The following C8B variants were observed in gnomAD, a reference collection of about 807,000 sequenced individuals.
C8B encodes the protein complement component C8 beta chain.
C8B carries 67 observed loss-of-function variants against 64.6 expected under a neutral mutation model. The observed-to-expected ratio is 1.04, with a 90% CI of 0.85 to 1.27. The LOEUF is 1.27. C8B is among the 50% of genes most tolerant of loss of function. The pLI, the probability that C8B is intolerant of heterozygous loss-of-function variation, is 0.00. For synonymous variants in C8B, 284 were observed against 257.7 expected (o/e 1.10, Z -0.98); for missense variants, 790 against 725.2 (o/e 1.09, Z -1.03).
At chr1:56,955,643 C>G (rs1176625099) in intron 3 of C8B, among the ~76,000 whole-genome samples, 1 of 152,180 alleles carries the variant, frequency 6.6e-6, no homozygotes, top group Non-Finnish European at 1.5e-5. Context: ...AAAGCCTGTC[C>G]AAATAACCAT....
intron 3 of C8B, among the ~76,000 whole-genome samples, chr1:56,955,941 T>C (rs976144894): frequency 4.5e-4 from 69 of 152,204 alleles, no homozygotes; most frequent in African/African-American, 1.5e-3. Context: ...TCTGAATGAA[T>C]TGAAAAGTTG....
At chr1:56,940,093 A>G (rs1644829261) in intron 9 of C8B, among the ~76,000 whole-genome samples, 1 of 152,042 alleles carries the variant, frequency 6.6e-6, no homozygotes, top group Admixed American at 6.6e-5. Flanking sequence ...ATCTTCCCTT[A>G]GTACCTTACT....
chr1:56,930,616 T>A (rs1399031155), intron 11 of C8B, among the ~76,000 whole-genome samples: 1 of 152,130 alleles, frequency 6.6e-6, no homozygotes, highest in Non-Finnish European at 1.5e-5. Context: ...TCAAAGGCTG[T>A]GGGGGCAGAC....
chr1:56,941,189 C>G (rs1476580824), intron 8 of C8B, among the ~76,000 whole-genome samples, 177 bp from the exon 9 acceptor site: 7 of 152,144 alleles, frequency 4.6e-5, no homozygotes, highest in Non-Finnish European at 1.0e-4. Flanking sequence ...CAAAGGGAAA[C>G]TCACCCAGCC....
At chr1:56,953,884 T>C (rs529466229) in intron 4 of C8B, among the ~76,000 whole-genome samples, 183 of 152,248 alleles carry the variant, frequency 1.2e-3, no homozygotes, top group African/African-American at 3.6e-3. Flanking sequence ...ATCTGCAAGG[T>C]GGGAATTATA....
chr1:56,952,131 A>G lies in C8B; in HGVS notation c.583T>C (p.Tyr195His). ...SFEGPVLDHRYYAGGCSPHYI... is the reference protein window; with the variant it reads ...SFEGPVLDHRHYAGGCSPHYI... ...TGCGGGGAGCATCCACCTGCATAATACCTGTGATCAAGAACTGGGCCCTCA... is the reference window on the plus strand; with the variant it reads ...TGCGGGGAGCATCCACCTGCATAATGCCTGTGATCAAGAACTGGGCCCTCA... Residue 195 changes from tyrosine to histidine, a missense_variant, in exon 5 of 12, where the codon TAT becomes CAT. Physicochemically the swap from Tyr to His is moderately conservative, Grantham distance 83. Transcript: ENST00000371237. The G allele has an allele frequency of 6.2e-7, 1 of 1,614,184 alleles. No individual in the cohort carries two copies. Among genetic ancestry groups the G allele is most frequent in the Non-Finnish European group, 8.5e-7 (1 of 1,180,016 alleles).
At chr1:56,931,541 C>G (rs776452308) in intron 11 of C8B, 9 of 405,638 alleles carry the variant, frequency 2.2e-5, no homozygotes, top group Non-Finnish European at 3.3e-5. Context: ...GTAAGCATTC[C>G]AGAATGATCC....
At chr1:56,956,704 C>G in intron 3 of C8B, 65 bp downstream of exon 3, 1 of 1,580,606 alleles carries the variant, frequency 6.3e-7, no homozygotes, top group Non-Finnish European at 8.7e-7. Context: ...TGGCCTGTCC[C>G]TTGGTCATCA....
At chr1:56,948,867 A>C (rs1366795323) in intron 6 of C8B, among the ~76,000 whole-genome samples, 1 of 152,196 alleles carries the variant, frequency 6.6e-6, no homozygotes, top group Non-Finnish European at 1.5e-5. Flanking sequence ...CCTGTGGGCT[A>C]AAAAGTCTCC....
chr1:56,945,007 G>A (rs1353247605), intron 7 of C8B, among the ~76,000 whole-genome samples: 2 of 152,190 alleles, frequency 1.3e-5, no homozygotes, highest in African/African-American at 2.4e-5. Flanking sequence ...GGGAGGGATG[G>A]GGGTGGAATA....
At chr1:56,943,545 A>G (rs1644895685) in intron 8 of C8B, 151 bp downstream of exon 8, 2 of 883,726 alleles carry the variant, frequency 2.3e-6, no homozygotes, top group Admixed American at 1.9e-5. Flanking sequence ...GCGATATGTT[A>G]GATGGTAAAA....
chr1:56,953,926 G>A (rs1443194084), intron 4 of C8B, among the ~76,000 whole-genome samples: 1 of 152,174 alleles, frequency 6.6e-6, no homozygotes, highest in Admixed American at 6.5e-5. Context: ...CCTGAGAGAA[G>A]CCTCCCATGT....
chr1:56,954,081 T>G (rs751528195), intron 4 of C8B, among the ~76,000 whole-genome samples: 20 of 152,144 alleles, frequency 1.3e-4, no homozygotes, highest in Admixed American at 3.9e-4. Flanking sequence ...AAGGTCTCCC[T>G]CTTCCACCTG....
chr1:56,954,588 AG>A (rs1645074543), intron 4 of C8B, 97 bp downstream of exon 4: 1 of 1,488,568 alleles, frequency 6.7e-7, no homozygotes, highest in African/African-American at 1.4e-5. Context: ...AAGGTGAGTG[AG>A]GACCTCTGTT....
At chr1:56,934,981 A>G (rs1274467526) in intron 9 of C8B, among the ~76,000 whole-genome samples, 1 of 152,200 alleles carries the variant, frequency 6.6e-6, no homozygotes, top group Non-Finnish European at 1.5e-5. Flanking sequence ...TAAACCTTCC[A>G]TATATACTGT....
At chr1:56,931,143 A>G (rs2101349089) in intron 11 of C8B, among the ~76,000 whole-genome samples, 1 of 152,326 alleles carries the variant, frequency 6.6e-6, no homozygotes, top group Non-Finnish European at 1.5e-5. Flanking sequence ...CGCTGAAAGG[A>G]ATAAAAGTGA....
At position 56,949,555 on chromosome 1, in the gene C8B, A is replaced by G; in HGVS notation, c.864T>C (p.Thr288=). 1.2e-6 allele frequency: 2 copies of G among 1,612,802 alleles called. No individual in the cohort carries two copies. The highest frequency in any genetic ancestry group is 1.7e-6 in the Non-Finnish European group (2 of 1,178,834). Residue 288 remains threonine, a splice_region_variant and synonymous_variant, in exon 6 of 12, where the codon ACT becomes ACC. Transcript: ENST00000371237. ...YIRRTKRFSH[T]KSVFLHARSD... is the part of the protein sequence containing the mutation. ...TTAAAAGCAACAAAGACATACTTAC[A>G]GTATGAGAGAATCGTTTGGTTCTCC...
At chr1:56,938,671 C>A (rs1220798344) in intron 9 of C8B, among the ~76,000 whole-genome samples, 2 of 152,114 alleles carry the variant, frequency 1.3e-5, no homozygotes, top group Non-Finnish European at 2.9e-5. Flanking sequence ...GGTCTCCTTC[C>A]CTGCCTACCT....
chr1:56,933,531 A>T (rs1005527769), intron 9 of C8B, 43 bp from the exon 10 acceptor site: 1 of 1,568,698 alleles, frequency 6.4e-7, no homozygotes, highest in Non-Finnish European at 8.8e-7. Context: ...AAAAACATTT[A>T]TCAAGTAGAA....
Sources: gnomAD v4.1 joint callset for allele counts (sites outside exome capture counted in the v4.1 genomes callset) on GRCh38, gnomAD v4.1.1 for gene constraint, MANE v1.5 for transcripts, NCBI Gene and HGNC (gene_info 2026-07-23, HGNC 2026-07-21) for gene names.